The following TEAD1 variants were observed in gnomAD, a reference collection of about 807,000 sequenced individuals.
TEAD1 encodes transcriptional enhancer factor TEF-1.
In TEAD1, 9 loss-of-function variants were observed where a neutral mutation model predicts 54.9. The ratio of observed to expected loss-of-function variants is 0.16; its 90% confidence interval spans 0.10 to 0.29. TEAD1 has a LOEUF of 0.29. TEAD1 is among the 10% of genes least tolerant of loss of function. The probability of loss-of-function intolerance (pLI) is 1.00; values close to 1 mark genes in which losing one functional copy is unlikely to be tolerated. For synonymous variants in TEAD1, 200 were observed against 187.8 expected, an observed-to-expected ratio of 1.07 and a Z score of -0.53; for missense variants, 387 against 535.9, an observed-to-expected ratio of 0.72 and a Z score of 2.74.
At chr11:12,930,388 G>A in intron 12 of TEAD1, 62 bp downstream of exon 12, 3 of 1,606,330 alleles carry the variant, frequency 1.9e-6, no homozygotes, top group Non-Finnish European at 1.7e-6. Context: ...CAGAAGTGAG[G>A]AAGGTGGGCC....
chr11:12,842,907 T>G lies in TEAD1; in HGVS notation c.203-19343T>G, dbSNP rs1947069977. On this transcript the variant is annotated intron_variant, in intron 3 of 12. Coordinates refer to ENST00000527636, the MANE Select transcript of TEAD1 (RefSeq NM_021961.6). ...ACTTAAAAAATCTAAAATGAATGGTTTATTTCTTCTAATTCCAGTGAGATA... is the reference window on the plus strand; with the variant it reads ...ACTTAAAAAATCTAAAATGAATGGTGTATTTCTTCTAATTCCAGTGAGATA... 2.0e-5 allele frequency among the ~76,000 whole-genome samples: 3 copies of G among 152,306 alleles called. No individual in the cohort carries two copies. The South Asian group carries it at 6.2e-4, about 32-fold the overall frequency.
intron 3 of TEAD1, among the ~76,000 whole-genome samples, chr11:12,850,710 C>T (rs1220216925): frequency 6.6e-6 from 1 of 152,128 alleles, no homozygotes; most frequent in Non-Finnish European, 1.5e-5. Flanking sequence ...TATAAACTAG[C>T]GGTGTTTAGC....
chr11:12,922,192 C>CTTTTTTTTTTTTTTTTT (rs756723520), intron 10 of TEAD1, among the ~76,000 whole-genome samples: 13 of 94,500 alleles, frequency 1.4e-4, no homozygotes, highest in African/African-American at 5.6e-4. Flanking sequence ...ACATGGTTCT[C>CTTTTTTTTTTTTTTTTT]TTTTTTTTTT....
In TEAD1 at chr11:12,937,911, A is replaced by G. The variant is rs1949124885; in HGVS notation, c.*689A>G. 1 of 152,468 alleles carries G rather than the reference A, an allele frequency of 6.6e-6. No individual in the cohort carries two copies. The highest frequency in any genetic ancestry group is 1.5e-5 in the Non-Finnish European group (1 of 68,006). The allele number at this position is 152,468 out of a possible 1,614,324, so 9.4% of individuals were successfully genotyped here. Reference sequence around the variant, plus strand: ...CCTCAAGGTTAACACTAATCTCCTAATCCATTAAACTCTTGAACAGGTATT... The same window carrying G: ...CCTCAAGGTTAACACTAATCTCCTAGTCCATTAAACTCTTGAACAGGTATT... On this transcript the variant is annotated 3_prime_UTR_variant, in exon 13 of 13. Transcript: ENST00000527636.
At chr11:12,813,132 A>G (rs1272944796) in intron 3 of TEAD1, among the ~76,000 whole-genome samples, 2 of 152,150 alleles carry the variant, frequency 1.3e-5, no homozygotes, top group Admixed American at 6.5e-5. Context: ...GTTCAGTCTT[A>G]GGTCAAGATA....
At chr11:12,687,726 TG>T (rs2133819565) in intron 2 of TEAD1, among the ~76,000 whole-genome samples, 1 of 152,342 alleles carries the variant, frequency 6.6e-6, no homozygotes, top group Non-Finnish European at 1.5e-5. Context: ...GCTAAGGTCT[TG>T]AAAAGTTGGG....
chr11:12,928,677 CT>C (rs1387933886), intron 11 of TEAD1, among the ~76,000 whole-genome samples: 1 of 152,194 alleles, frequency 6.6e-6, no homozygotes, highest in African/African-American at 2.4e-5. Flanking sequence ...TTACATAAAA[CT>C]TACTCCTGTG....
At chr11:12,781,996 A>G (rs972974236) in intron 3 of TEAD1, among the ~76,000 whole-genome samples, 2 of 149,558 alleles carry the variant, frequency 1.3e-5, no homozygotes, top group South Asian at 2.1e-4. Flanking sequence ...AAAAGAAAAA[A>G]AAAATTAGCC....
intron 12 of TEAD1, among the ~76,000 whole-genome samples, chr11:12,932,477 G>T (rs1183671068): frequency 6.6e-6 from 1 of 152,110 alleles, no homozygotes; most frequent in Non-Finnish European, 1.5e-5. Flanking sequence ...TGCTAAGGAT[G>T]CATGTTCTCA....
At chr11:12,675,116 C>T (rs1469256628) in intron 1 of TEAD1, among the ~76,000 whole-genome samples, 3 of 147,854 alleles carry the variant, frequency 2.0e-5, no homozygotes, top group African/African-American at 7.3e-5. Context: ...GGCCGCGCCG[C>T]GCCCCCCGCG....
intron 3 of TEAD1, among the ~76,000 whole-genome samples, chr11:12,820,760 G>A (rs757723948): frequency 2.7e-4 from 41 of 152,200 alleles, no homozygotes; most frequent in Non-Finnish European, 4.9e-4. Flanking sequence ...TGTGAGTGCT[G>A]TTTCCCCAAA....
chr11:12,751,330 A>G (rs192405895), intron 2 of TEAD1, among the ~76,000 whole-genome samples: 168 of 151,982 alleles, frequency 1.1e-3, no homozygotes, highest in African/African-American at 4.0e-3. Flanking sequence ...GCATGGGCCC[A>G]AACCTTAAAG....
intron 10 of TEAD1, among the ~76,000 whole-genome samples, chr11:12,917,007 C>T (rs1053044313): frequency 2.6e-5 from 4 of 152,188 alleles, no homozygotes; most frequent in African/African-American, 9.6e-5. Flanking sequence ...TAATAGGCAG[C>T]ATCATGGATC....
At chr11:12,930,400 G>A in intron 12 of TEAD1, 74 bp downstream of exon 12, 1 of 1,580,756 alleles carries the variant, frequency 6.3e-7, no homozygotes, top group Non-Finnish European at 8.7e-7. Context: ...AGGTGGGCCT[G>A]GGAGGCGCTG....
At chr11:12,933,714 G>C (rs987008703) in intron 12 of TEAD1, among the ~76,000 whole-genome samples, 2 of 152,276 alleles carry the variant, frequency 1.3e-5, no homozygotes, top group East Asian at 3.9e-4. Flanking sequence ...TGCTGTGCTA[G>C]ACCCTTTGTA....
chr11:12,777,503 G>A (rs1945454401), intron 3 of TEAD1, among the ~76,000 whole-genome samples: 1 of 152,162 alleles, frequency 6.6e-6, no homozygotes, highest in Admixed American at 6.5e-5. Flanking sequence ...AGAAGAGATT[G>A]TTGTTTATGA....
chr11:12,890,803 C>T (rs970363552), intron 9 of TEAD1, among the ~76,000 whole-genome samples: 6 of 152,134 alleles, frequency 3.9e-5, no homozygotes, highest in African/African-American at 7.2e-5. Context: ...TTTGCTTCGT[C>T]GCCCAGGCTG....
At chr11:12,686,098 G>A (rs1943327738) in intron 2 of TEAD1, among the ~76,000 whole-genome samples, 1 of 152,090 alleles carries the variant, frequency 6.6e-6, no homozygotes, top group Admixed American at 6.6e-5. Context: ...TGTTTGCCTG[G>A]TATAATCCTG....
chr11:12,757,372 A>T (rs1945005229), intron 2 of TEAD1, among the ~76,000 whole-genome samples: 1 of 152,322 alleles, frequency 6.6e-6, no homozygotes, highest in East Asian at 1.9e-4. Context: ...TCAAAAGGGA[A>T]AGGGAAATGG....
Sources: allele counts gnomAD v4.1 joint callset (sites outside exome capture counted in the v4.1 genomes callset), GRCh38; gene constraint gnomAD v4.1.1; transcripts MANE v1.5; gene names NCBI Gene and HGNC (gene_info 2026-07-23, HGNC 2026-07-21).